ATP8A2: variants seen among roughly 807,000 people sequenced by gnomAD.
ATP8A2 encodes phospholipid-transporting ATPase IB.
In ATP8A2, 100 loss-of-function variants were observed where a neutral mutation model predicts 165.6. The observed-to-expected ratio is 0.60, with a 90% confidence interval of 0.51 to 0.71. The LOEUF (loss-of-function observed/expected upper bound fraction) is 0.71. Ranked by LOEUF, ATP8A2 falls within the 30% of genes least tolerant of loss-of-function variation. The pLI, the probability that ATP8A2 is intolerant of heterozygous loss-of-function variation, is 0.00. For missense variants in ATP8A2, 1,227 were observed against 1,479.5 expected (o/e 0.83, Z 2.80); for synonymous variants, 543 against 548.8 (o/e 0.99, Z 0.15).
In ATP8A2 at chr13:25,877,031, T is replaced by TA. The variant is rs75610820; in HGVS notation, c.3183+14634dup. 2.6e-3 allele frequency among the ~76,000 whole-genome samples: 377 copies of TA among 147,426 alleles called. 7 individuals carry two copies. In the East Asian group the frequency reaches 0.044, roughly 17 times the overall value. On this transcript the variant is annotated intron_variant, in intron 33 of 36. Coordinates refer to ENST00000381655, the MANE Select transcript of ATP8A2 (RefSeq NM_016529.6). The stretch of plus-strand genomic sequence containing the variant: ...GTCTACTTGGGGATTTATTTTTATT[T>TA]AAAAAAAAAAACTAATCCTTTTTTC...
At chr13:25,777,137 C>A (rs1270317635) in intron 27 of ATP8A2, among the ~76,000 whole-genome samples, 2 of 152,204 alleles carry the variant, frequency 1.3e-5, no homozygotes, top group East Asian at 3.9e-4. Flanking sequence ...TTGTAAACAG[C>A]CTTTTAAACA....
chr13:25,979,854 T>G (rs969663779), intron 35 of ATP8A2, among the ~76,000 whole-genome samples: 2 of 152,100 alleles, frequency 1.3e-5, no homozygotes, highest in African/African-American at 4.8e-5. Flanking sequence ...AAGATGACAC[T>G]GTCGGGGAAG....
At chr13:25,909,022 G>A (rs998103701) in intron 33 of ATP8A2, among the ~76,000 whole-genome samples, 1 of 152,150 alleles carries the variant, frequency 6.6e-6, no homozygotes, top group Non-Finnish European at 1.5e-5. Flanking sequence ...TTGGTACCAT[G>A]TACCTTGAAC....
chr13:25,957,835 C>G (rs1371126821), intron 33 of ATP8A2, among the ~76,000 whole-genome samples: 1 of 152,072 alleles, frequency 6.6e-6, no homozygotes, highest in Non-Finnish European at 1.5e-5. Flanking sequence ...TTGCAGCACT[C>G]TTCACAATAG....
In ATP8A2 at chr13:25,699,355, T is replaced by C. The variant is rs1378426901; in HGVS notation, c.2384+10T>C. The C allele has an allele frequency of 6.2e-7, 1 of 1,602,110 alleles. No homozygotes were observed. The highest frequency in any genetic ancestry group is 1.3e-5 in the African/African-American group (1 of 74,780). On this transcript the variant is annotated intron_variant, in intron 25 of 36. Coordinates refer to ENST00000381655, the MANE Select transcript of ATP8A2 (RefSeq NM_016529.6). The stretch of plus-strand genomic sequence containing the variant: ...CGGTCATATGCTGCAGGTAGGAACC[T>C]GCAGGCTGTGCACAGTTCACACTCT...
intron 23 of ATP8A2, among the ~76,000 whole-genome samples, chr13:25,586,520 G>T (rs748153863): frequency 1.3e-5 from 2 of 152,156 alleles, no homozygotes; most frequent in Non-Finnish European, 2.9e-5. Context: ...GGCTCTGGAC[G>T]GGCTGTCTTT....
intron 33 of ATP8A2, among the ~76,000 whole-genome samples, chr13:25,952,478 C>G (rs1291937062): frequency 6.6e-6 from 1 of 151,846 alleles, no homozygotes; most frequent in Non-Finnish European, 1.5e-5. Context: ...ACTCTTGAGC[C>G]CAAGCGATCC....
At chr13:25,905,411 A>G (rs546891124) in intron 33 of ATP8A2, among the ~76,000 whole-genome samples, 1 of 148,986 alleles carries the variant, frequency 6.7e-6, no homozygotes, top group African/African-American at 2.4e-5. Flanking sequence ...ACTTATTTTT[A>G]TATGCTCTCT....
rs117321577 is a variant in ATP8A2 at position 25,443,920 on chromosome 13, A to G, written c.77-25057A>G. ...CTTAAATGATAAATGCATTTGGCAT[A>G]TTTTATTTTTAAATGTCTTTTATTT... On this transcript the variant is annotated intron_variant, in intron 1 of 36. Coordinates refer to ENST00000381655, the MANE Select transcript of ATP8A2 (RefSeq NM_016529.6). 8.0e-3 allele frequency among the ~76,000 whole-genome samples: 1,213 copies of G among 152,340 alleles called. 11 individuals carry two copies. The highest frequency in any genetic ancestry group is 0.02 in the South Asian group (98 of 4,824).
At chr13:25,702,276 T>C (rs116714538) in intron 25 of ATP8A2, among the ~76,000 whole-genome samples, 5,732 of 152,292 alleles carry the variant, frequency 0.038, 147 homozygotes, top group Middle Eastern at 0.068. Flanking sequence ...AAATTGGTGA[T>C]GTTGTATAGA....
chr13:25,753,177 A>G lies in ATP8A2; in HGVS notation c.2385-15869A>G, dbSNP rs540849616. On this transcript the variant is annotated intron_variant, in intron 25 of 36. Coordinates refer to ENST00000381655, the MANE Select transcript of ATP8A2 (RefSeq NM_016529.6). ...CAGAGAAAGGGTAGCCTGGTGGCCAACAGCACGTCCAAGAACACTGTATGA... is the reference window on the plus strand; with the variant it reads ...CAGAGAAAGGGTAGCCTGGTGGCCAGCAGCACGTCCAAGAACACTGTATGA... Among the ~76,000 whole-genome samples, 290 of 152,318 alleles carry G rather than the reference A, an allele frequency of 1.9e-3. 2 individuals are homozygous for G. Among genetic ancestry groups the G allele is most frequent in the South Asian group, 5.0e-3 (24 of 4,828 alleles).
intron 15 of ATP8A2, 69 bp from the exon 16 acceptor site, chr13:25,563,887 C>A (rs2039234981): frequency 1.8e-6 from 2 of 1,101,422 alleles, no homozygotes; most frequent in Non-Finnish European, 2.8e-6. Flanking sequence ...AAGGCAGATT[C>A]TTTCCAGGTT....
rs561133330 is a variant in ATP8A2, at chr13:25,641,103, C to T, written c.2211+51404C>T. Among the ~76,000 whole-genome samples, 9 of 152,248 alleles carry T rather than the reference C, an allele frequency of 5.9e-5. No individual in the cohort carries two copies. The East Asian group carries it at 9.7e-4, about 16-fold the overall frequency. On this transcript the variant is annotated intron_variant, in intron 24 of 36. Transcript: ENST00000381655. The stretch of plus-strand genomic sequence containing the variant: ...TAAATTAGGTATTGATGGGATGTAT[C>T]TCAAAATAGTAAGAGCTGTTTATGA...
chr13:25,821,511 A>C (rs1951180383), intron 27 of ATP8A2, among the ~76,000 whole-genome samples: 1 of 152,170 alleles, frequency 6.6e-6, no homozygotes, highest in Non-Finnish European at 1.5e-5. Context: ...ATTCCTTTTT[A>C]TTTGAAAAAG....
intron 21 of ATP8A2, 96 bp downstream of exon 21, chr13:25,578,995 C>T: frequency 1.2e-6 from 1 of 823,952 alleles, no homozygotes; most frequent in Non-Finnish European, 2.1e-6. Flanking sequence ...CAGTGCCTGC[C>T]CCATCCCCTC....
chr13:25,793,796 T>C (rs531912267), intron 27 of ATP8A2, among the ~76,000 whole-genome samples: 2 of 152,302 alleles, frequency 1.3e-5, no homozygotes, highest in South Asian at 4.2e-4. Flanking sequence ...TGAGCTTATG[T>C]TGAAATTCAG....
At chr13:25,738,336 C>T (rs59450861) in intron 25 of ATP8A2, among the ~76,000 whole-genome samples, 21,829 of 62,682 alleles carry the variant, frequency 0.35, 1,933 homozygotes, top group East Asian at 0.57. Flanking sequence ...TTTTTGTGCC[C>T]CCCTCCCCCC....
At chr13:25,991,014 A>C (rs548396566) in intron 35 of ATP8A2, among the ~76,000 whole-genome samples, 1 of 152,156 alleles carries the variant, frequency 6.6e-6, no homozygotes, top group African/African-American at 2.4e-5. Flanking sequence ...GATGGTTTCC[A>C]TATGTGCTGG....
At chr13:25,603,470 CAAA>C (rs60241678) in intron 24 of ATP8A2, among the ~76,000 whole-genome samples, 1,975 of 118,446 alleles carry the variant, frequency 0.017, 21 homozygotes, top group Non-Finnish European at 0.024. Flanking sequence ...GACTCTGTCT[CAAA>C]AAAAAAAAAA....
Sources: gnomAD v4.1 joint callset for allele counts (sites outside exome capture counted in the v4.1 genomes callset) on GRCh38, gnomAD v4.1.1 for gene constraint, MANE v1.5 for transcripts, NCBI Gene and HGNC (gene_info 2026-07-23, HGNC 2026-07-21) for gene names.